Variants in ABCA6 observed in about 807,000 individuals in gnomAD.
ABCA6 encodes ATP binding cassette subfamily A member 6, also known as ATP-binding cassette sub-family A member 6.
Under a neutral mutation model 191.2 loss-of-function variants are expected in ABCA6, and 164 were observed. That is an observed-to-expected ratio of 0.86 (90% CI 0.76 to 0.98). The LOEUF (loss-of-function observed/expected upper bound fraction) is 0.98, where lower values mean the gene tolerates loss of function less well. ABCA6 is among the 50% of genes least tolerant of loss of function. The pLI is 0.00. For synonymous variants in ABCA6, 636 were observed against 647.7 expected (o/e 0.98, Z 0.27); for missense variants, 1,958 against 1,894.1 (o/e 1.03, Z -0.63).
At position 69,086,637 on chromosome 17, in the gene ABCA6, G is replaced by A; in HGVS notation, c.3918C>T (p.Ile1306=). ...KRKKKIAARN[I]SFCVQEGEIL... The stretch of plus-strand genomic sequence containing the variant: ...ACAGACCTTCTTGAACACAGAAAGA[G>A]ATATTTCTTGCTGCTATTTTCTTCT... The change falls in exon 30 of 39, where the codon ATC becomes ATT. Residue 1306 remains isoleucine (I), a synonymous_variant. Coordinates refer to ENST00000284425, the MANE Select transcript of ABCA6 (RefSeq NM_080284.3). 1 of 1,610,376 alleles carries A rather than the reference G, an allele frequency of 6.2e-7. No homozygotes were observed. Among genetic ancestry groups the A allele is most frequent in the Middle Eastern group, 1.7e-4 (1 of 6,048 alleles).
chr17:69,091,300 T>A, intron 25 of ABCA6, 38 bp from the exon 26 acceptor site: 1 of 1,598,720 alleles, frequency 6.3e-7, no homozygotes, highest in Middle Eastern at 1.7e-4. Flanking sequence ...TCAGACATAC[T>A]CAACCCATTG....
intron 22 of ABCA6, among the ~76,000 whole-genome samples, chr17:69,099,225 A>G (rs1233060303): frequency 6.6e-6 from 1 of 152,232 alleles, no homozygotes; most frequent in African/African-American, 2.4e-5. Context: ...CCTCATGGAT[A>G]TAATTACAGG....
Position 69,105,619 on chromosome 17 carries a change from T to A in ABCA6, c.2583A>T (p.Val861=). The change falls in exon 20 of 39, where the codon GTA becomes GTT. Residue 861 remains valine, a synonymous_variant. Coordinates refer to ENST00000284425, the MANE Select transcript of ABCA6 (RefSeq NM_080284.3). ...QTKVLLTLLL[V]FGIAIFPLIV... is the part of the protein sequence containing the mutation. ...TCAAAGGGAATATTGCGATTCCAAA[T>A]ACCAATAATCTAAACAATAAAGAAA... 1 of 1,489,844 alleles carries A rather than the reference T, an allele frequency of 6.7e-7. No homozygotes were observed. The highest frequency in any genetic ancestry group is 1.2e-5 in the South Asian group (1 of 83,544). The allele number at this position is 1,489,844 out of a possible 1,614,324, so 92.3% of individuals were successfully genotyped here.
chr17:69,136,218 G>A lies in ABCA6; in HGVS notation c.334C>T (p.His112Tyr), dbSNP rs770697956. The A allele has an allele frequency of 2.0e-5, 32 of 1,586,780 alleles. No individual in the cohort carries two copies. The highest frequency in any genetic ancestry group is 1.4e-5 in the African/African-American group (1 of 73,972). ...TSVIGAPNKT[H>Y]MDEILLENLP... The stretch of plus-strand genomic sequence containing the variant: ...TTTTCCAGAAGTATTTCGTCCATGT[G>A]TGTTTTATTTGGTGCCCCAATGACA... The change falls in exon 4 of 39, where the codon CAC becomes TAC. Residue 112 changes from histidine (H) to tyrosine (Y), a missense_variant. Physicochemically the swap from His to Tyr is moderately conservative, Grantham distance 83. Transcript: ENST00000284425.
chr17:69,111,428 T>C (rs1409528170), intron 16 of ABCA6: 1 of 152,960 alleles, frequency 6.5e-6, no homozygotes, highest in Non-Finnish European at 1.5e-5. Context: ...GTAGTTCCCA[T>C]AATTCCCACA....
chr17:69,088,371 C>G (rs1462150907), intron 27 of ABCA6, 113 bp from the exon 28 acceptor site: 1 of 783,086 alleles, frequency 1.3e-6, no homozygotes, highest in African/African-American at 1.8e-5. Context: ...GGATCATTCT[C>G]ATAAGCTGGG....
chr17:69,085,167 A>G lies in ABCA6; in HGVS notation c.4045T>C (p.Cys1349Arg). 6.2e-7 allele frequency: 1 copy of G among 1,609,816 alleles called. No individual in the cohort carries two copies. The highest frequency in any genetic ancestry group is 8.5e-7 in the Non-Finnish European group (1 of 1,178,288). Residue 1349 changes from cysteine (C) to arginine (R), a missense_variant, in exon 32 of 39, where the codon TGC (cysteine) becomes CGC (arginine). Coordinates refer to ENST00000284425, the MANE Select transcript of ABCA6 (RefSeq NM_080284.3). Reference protein sequence around the residue: ...PTAGEVELKGCSSVLGHLGYC... With the variant: ...PTAGEVELKGRSSVLGHLGYC... The stretch of plus-strand genomic sequence containing the variant: ...CCCAGGTGGCCCAAAACTGAACTGC[A>G]GCCTTTCAGTTCCACCTAAAAAAAT...
In ABCA6 at chr17:69,123,291, C is replaced by A; in HGVS notation, c.1384G>T (p.Asp462Tyr). The A allele has an allele frequency of 6.4e-7, 1 of 1,554,656 alleles. No individual in the cohort carries two copies. The highest frequency in any genetic ancestry group is 8.7e-7 in the Non-Finnish European group (1 of 1,143,936). The stretch of plus-strand genomic sequence containing the variant: ...GGAGCTACTGGTTCAAAATAATCAT[C>A]AGAGGGATGCTCAGCATCGATTTCT... ...EKEIDAEHPSDDYFEPVAPEF... is the reference protein window; with the variant it reads ...EKEIDAEHPSYDYFEPVAPEF... Residue 462 changes from aspartate (D) to tyrosine (Y), a missense_variant, in exon 10 of 39, where the codon GAT (aspartate) becomes TAT (tyrosine). Coordinates refer to ENST00000284425, the MANE Select transcript of ABCA6 (RefSeq NM_080284.3).
In ABCA6 at chr17:69,112,216, A is replaced by G. The variant is rs771724533; in HGVS notation, c.2099T>C (p.Leu700Ser). 1.2e-6 allele frequency: 2 copies of G among 1,612,744 alleles called. No individual in the cohort carries two copies. Among genetic ancestry groups the G allele is most frequent in the Admixed American group, 3.3e-5 (2 of 59,928 alleles). The change falls in exon 16 of 39, where the codon TTG becomes TCG. Residue 700 changes from leucine (L) to serine (S), a missense_variant. Leu to Ser is a moderately radical substitution (Grantham distance 145, BLOSUM62 -2). Transcript: ENST00000284425. The stretch of plus-strand genomic sequence containing the variant: ...ATATCCAAGACCCCACCTTCTTTTC[A>G]AAAACATAGAAGAACCTGCACACTT... ...RLKCAGSSMF[L>S]KRRWGLGYHL...
Position 69,107,827 on chromosome 17 carries a change from T to A in ABCA6, c.2273-15A>T. The A allele has an allele frequency of 6.8e-7, 1 of 1,461,816 alleles. No homozygotes were observed. Among genetic ancestry groups the A allele is most frequent in the South Asian group, 1.2e-5 (1 of 85,314 alleles). 90.6% of individuals were successfully genotyped at this position (1,461,816 alleles called of 1,614,324 possible). On this transcript the variant is annotated splice_polypyrimidine_tract_variant and intron_variant, in intron 17 of 38. Transcript: ENST00000284425. The stretch of plus-strand genomic sequence containing the variant: ...ACTGAAAAGATCTAAGGCAAAAAAA[T>A]ATGAATAGATACTTTGGAAAACCAC...
At position 69,108,183 on chromosome 17, in the gene ABCA6, T is replaced by C. The variant is rs1308256162; in HGVS notation, c.2273-371A>G. 5.8e-5 allele frequency: 10 copies of C among 171,682 alleles called. No individual in the cohort carries two copies. The East Asian group carries it at 1.8e-3, about 31-fold the overall frequency. The allele number at this position is 171,682 out of a possible 1,614,324, so 10.6% of individuals were successfully genotyped here. On this transcript the variant is annotated intron_variant, in intron 17 of 38. Coordinates refer to ENST00000284425, the MANE Select transcript of ABCA6 (RefSeq NM_080284.3). ...TCTCTGTATAAGTCTTTCAATGCTT[T>C]CTCAATGCATTTAAAATAAAATTTA... is the stretch of plus-strand genomic sequence containing the variant.
chr17:69,087,635 G>C (rs1198728346), intron 28 of ABCA6, 162 bp from the exon 29 acceptor site: 7 of 878,522 alleles, frequency 8.0e-6, no homozygotes, highest in Middle Eastern at 3.4e-4. Flanking sequence ...AAGAACTCCT[G>C]TCCCACTAGC....
At chr17:69,118,271 G>C (rs2073573298) in intron 10 of ABCA6, among the ~76,000 whole-genome samples, 2 of 151,998 alleles carry the variant, frequency 1.3e-5, no homozygotes, top group African/African-American at 4.8e-5. Flanking sequence ...TTCAAGATCA[G>C]CTCATTTACC....
intron 34 of ABCA6, 28 bp downstream of exon 34, chr17:69,084,233 C>G: frequency 6.2e-7 from 1 of 1,606,078 alleles, no homozygotes; most frequent in South Asian, 1.1e-5. Flanking sequence ...TGTGCATGCT[C>G]GCAGCTCTGG....
Position 69,078,854 on chromosome 17 carries a change from A to G in ABCA6, c.*119T>C. 2 of 603,126 alleles carry G rather than the reference A, an allele frequency of 3.3e-6. No individual in the cohort carries two copies. The highest frequency in any genetic ancestry group is 5.3e-6 in the Non-Finnish European group (2 of 377,656). 37.4% of individuals were successfully genotyped at this position (603,126 alleles called of 1,614,324 possible). ...TTAAAATTTATGTATTTGTTAACTA[A>G]ATTTACAAAATATACCTGATGTTAA... On this transcript the variant is annotated 3_prime_UTR_variant, in exon 39 of 39. Transcript: ENST00000284425.
At chr17:69,139,250 GA>G (rs1227168521) in intron 2 of ABCA6, among the ~76,000 whole-genome samples, 2 of 151,834 alleles carry the variant, frequency 1.3e-5, no homozygotes, top group African/African-American at 4.8e-5. Context: ...AAATTTACAA[GA>G]AAAAAACAAA....
chr17:69,091,026 T>C, intron 26 of ABCA6, 117 bp downstream of exon 26: 2 of 1,032,280 alleles, frequency 1.9e-6, no homozygotes, highest in Non-Finnish European at 1.4e-6. Flanking sequence ...CAAAATCTCT[T>C]ATGCCCATTT....
intron 9 of ABCA6, 23 bp downstream of exon 9, chr17:69,124,865 G>T (rs2073719327): frequency 6.8e-7 from 1 of 1,464,412 alleles, no homozygotes; most frequent in South Asian, 1.3e-5. Flanking sequence ...GTAGAGGACA[G>T]AGAAAAACTC....
intron 2 of ABCA6, among the ~76,000 whole-genome samples, 164 bp from the exon 3 acceptor site, chr17:69,137,664 A>G (rs1390521658): frequency 6.6e-6 from 1 of 152,202 alleles, no homozygotes; most frequent in African/African-American, 2.4e-5. Flanking sequence ...AAAGATAAAT[A>G]CTGAGACAGT....
Sources: gnomAD v4.1 joint callset for allele counts (sites outside exome capture counted in the v4.1 genomes callset) on GRCh38, gnomAD v4.1.1 for gene constraint, MANE v1.5 for transcripts, NCBI Gene and HGNC (gene_info 2026-07-23, HGNC 2026-07-21) for gene names.